Variants in RERE observed in about 807,000 individuals in gnomAD.
The protein encoded by RERE is arginine-glutamic acid dipeptide repeats, also known as arginine-glutamic acid dipeptide repeats protein.
A neutral mutation model predicts 146.1 loss-of-function variants in RERE; 40 were observed. That is an observed-to-expected ratio of 0.27 (90% CI 0.21 to 0.36). RERE has a LOEUF of 0.36. Ranked by LOEUF, RERE falls within the 10% of genes least tolerant of loss-of-function variation. The pLI is 1.00. For synonymous variants in RERE, 1,003 were observed against 866.0 expected (o/e 1.16, Z -2.78); for missense variants, 1,933 against 2,138.7 (o/e 0.90, Z 1.90).
intron 7 of RERE, chr1:8,525,815 G>T: frequency 6.4e-7 from 1 of 1,572,754 alleles, no homozygotes; most frequent in Non-Finnish European, 8.6e-7. Context: ...AGTCTAGCTG[G>T]ATTCCTGAAC....
At chr1:8,763,878 T>C (rs1410046321) in intron 1 of RERE, among the ~76,000 whole-genome samples, 2 of 150,552 alleles carry the variant, frequency 1.3e-5, no homozygotes, top group African/African-American at 4.9e-5. Context: ...AAAGCAGAGG[T>C]TGCAGTAAGC....
intron 1 of RERE, among the ~76,000 whole-genome samples, chr1:8,687,761 A>T (rs1443451816): frequency 6.6e-6 from 1 of 152,258 alleles, no homozygotes; most frequent in Non-Finnish European, 1.5e-5. Context: ...TAATAACCTT[A>T]AGCTGAAGTT....
chr1:8,465,687 T>C (rs1311203143), intron 11 of RERE: 2 of 608,962 alleles, frequency 3.3e-6, no homozygotes, highest in East Asian at 3.3e-5. Flanking sequence ...ATTTCTCCTT[T>C]CTTTCCATGA....
chr1:8,713,565 C>G (rs556269213), intron 1 of RERE, among the ~76,000 whole-genome samples: 7 of 152,136 alleles, frequency 4.6e-5, no homozygotes, highest in African/African-American at 1.7e-4. Flanking sequence ...GAAACCCCAT[C>G]TCTACTAAAA....
chr1:8,357,077 GATTT>G (rs1179110391), intron 20 of RERE, among the ~76,000 whole-genome samples: 5 of 152,266 alleles, frequency 3.3e-5, no homozygotes, highest in South Asian at 2.1e-4. Flanking sequence ...CCCTCTTCTG[GATTT>G]ATTTTTTTCC....
At chr1:8,764,460 G>C (rs1640812725) in intron 1 of RERE, among the ~76,000 whole-genome samples, 1 of 152,126 alleles carries the variant, frequency 6.6e-6, no homozygotes, top group African/African-American at 2.4e-5. Flanking sequence ...TATGTATTCA[G>C]TCATCCAGTC....
intron 11 of RERE, among the ~76,000 whole-genome samples, chr1:8,431,139 G>A (rs1181104440): frequency 6.6e-6 from 1 of 152,116 alleles, no homozygotes; most frequent in Non-Finnish European, 1.5e-5. Context: ...CAGTCCCCAG[G>A]GTACAAACCA....
chr1:8,439,348 C>T (rs1253679729), intron 11 of RERE, among the ~76,000 whole-genome samples: 2 of 152,160 alleles, frequency 1.3e-5, no homozygotes, highest in African/African-American at 4.8e-5. Context: ...AAATGCGATA[C>T]TGTAAATGAG....
chr1:8,364,617 C>T lies in RERE; in HGVS notation c.1540+129G>A, dbSNP rs1207785539. The T allele has an allele frequency of 2.8e-6, 2 of 713,438 alleles. No homozygotes were observed. The highest frequency in any genetic ancestry group is 2.7e-5 in the East Asian group (1 of 37,306). The allele number at this position is 713,438 out of a possible 1,614,324, so 44.2% of individuals were successfully genotyped here. On this transcript the variant is annotated intron_variant, in intron 14 of 22. Coordinates refer to ENST00000400908, the MANE Select transcript of RERE (RefSeq NM_001042681.2). This position sits in a 1 kb window ranked among gnomAD's most constrained non-coding sequence, Gnocchi z 5.1. ...TAAACATTTCTAACTTTCTCGAATC[C>T]CGAAGCACAATGCAAATGTCAAATC...
At chr1:8,635,305 T>A (rs1032962063) in intron 2 of RERE, among the ~76,000 whole-genome samples, 1 of 152,158 alleles carries the variant, frequency 6.6e-6, no homozygotes, top group Non-Finnish European at 1.5e-5. Context: ...TAAAAAGAAT[T>A]CTAGGGTTGT....
chr1:8,533,357 T>C (rs1645682468), intron 7 of RERE, among the ~76,000 whole-genome samples: 1 of 152,222 alleles, frequency 6.6e-6, no homozygotes, highest in African/African-American at 2.4e-5. Flanking sequence ...CTTCCAGTAT[T>C]TGAAGTTCTC....
chr1:8,461,698 A>G (rs1042539689), intron 11 of RERE, among the ~76,000 whole-genome samples: 7 of 152,178 alleles, frequency 4.6e-5, no homozygotes, highest in African/African-American at 1.7e-4. Context: ...TGTGATTCTG[A>G]GGTCTAAGAT....
At chr1:8,509,422 A>G (rs200065401) in intron 7 of RERE, among the ~76,000 whole-genome samples, 20 of 83,934 alleles carry the variant, frequency 2.4e-4, no homozygotes, top group African/African-American at 5.2e-4. Flanking sequence ...CCATCCATCC[A>G]TCCATCCATC....
At chr1:8,652,037 A>G (rs921588225) in intron 2 of RERE, among the ~76,000 whole-genome samples, 1 of 152,192 alleles carries the variant, frequency 6.6e-6, no homozygotes, top group African/African-American at 2.4e-5. Context: ...GACAATATTT[A>G]ACAAATACTC....
intron 2 of RERE, among the ~76,000 whole-genome samples, chr1:8,637,053 G>A (rs1168286392): frequency 6.6e-6 from 1 of 151,984 alleles, no homozygotes; most frequent in Non-Finnish European, 1.5e-5. Context: ...CACATATTTT[G>A]GGGAAAATAT....
intron 12 of RERE, among the ~76,000 whole-genome samples, chr1:8,409,971 AT>A (rs57424627): frequency 0.3 from 28,949 of 94,946 alleles, 4,233 homozygotes; most frequent in East Asian, 0.69. Flanking sequence ...CAATCAGGCA[AT>A]TTTTTTTTTT....
At chr1:8,743,646 C>G (rs573797251) in intron 1 of RERE, among the ~76,000 whole-genome samples, 3 of 152,210 alleles carry the variant, frequency 2.0e-5, no homozygotes, top group Admixed American at 6.5e-5. Context: ...CATGCATAGT[C>G]TGATCAAGAA....
intron 4 of RERE, among the ~76,000 whole-genome samples, chr1:8,586,179 G>A (rs561683885): frequency 5.3e-4 from 80 of 152,314 alleles, no homozygotes; most frequent in African/African-American, 1.8e-3. Flanking sequence ...GTAAAGCAAC[G>A]CAGCGAGAGA....
chr1:8,807,606 G>A (rs1569840605), intron 1 of RERE, among the ~76,000 whole-genome samples: 1 of 152,142 alleles, frequency 6.6e-6, no homozygotes, highest in African/African-American at 2.4e-5. Context: ...ATTGGGTCAA[G>A]AGTCCACAGT....
Sources: allele counts gnomAD v4.1 joint callset (sites outside exome capture counted in the v4.1 genomes callset), GRCh38; gene constraint gnomAD v4.1.1; non-coding constraint Gnocchi (gnomAD v3.1); transcripts MANE v1.5; gene names NCBI Gene and HGNC (gene_info 2026-07-23, HGNC 2026-07-21).